Variants in ADAMTS19 observed in about 807,000 individuals in gnomAD.
The protein encoded by ADAMTS19 is A disintegrin and metalloproteinase with thrombospondin motifs 19.
Under a neutral mutation model 153.3 loss-of-function variants are expected in ADAMTS19, and 93 were observed. The ratio of observed to expected loss-of-function variants is 0.61; its 90% CI spans 0.51 to 0.72. ADAMTS19 has a LOEUF of 0.72. Ranked by LOEUF, ADAMTS19 falls within the 30% of genes least tolerant of loss-of-function variation. The pLI is 0.00. For missense variants in ADAMTS19, 1,482 were observed against 1,552.1 expected, an observed-to-expected ratio of 0.95 and a Z score of 0.76; for synonymous variants, 600 against 556.6, an observed-to-expected ratio of 1.08 and a Z score of -1.10.
intron 18 of ADAMTS19, among the ~76,000 whole-genome samples, chr5:129,692,283 G>T (rs749077942): frequency 4.0e-5 from 6 of 151,794 alleles, no homozygotes; most frequent in Non-Finnish European, 8.8e-5. Flanking sequence ...CCAAAAATCT[G>T]TCCCAAAATT....
chr5:129,538,075 T>C (rs1394036461), intron 6 of ADAMTS19, among the ~76,000 whole-genome samples: 1 of 152,092 alleles, frequency 6.6e-6, no homozygotes, highest in African/African-American at 2.4e-5. Context: ...CAAGTCTTTC[T>C]TCCTTCTTAA....
chr5:129,694,394 A>G (rs1183641471), intron 18 of ADAMTS19, among the ~76,000 whole-genome samples: 3 of 152,126 alleles, frequency 2.0e-5, no homozygotes, highest in African/African-American at 7.2e-5. Context: ...CAATAAATCA[A>G]TTGAGTGACT....
intron 13 of ADAMTS19, among the ~76,000 whole-genome samples, chr5:129,651,991 G>A (rs138875591): frequency 1.9e-3 from 286 of 151,956 alleles, no homozygotes; most frequent in Non-Finnish European, 3.4e-3. Flanking sequence ...ATTTACTTAC[G>A]TGTGAAATAA....
At chr5:129,607,186 G>A (rs1750942671) in intron 8 of ADAMTS19, among the ~76,000 whole-genome samples, 1 of 152,006 alleles carries the variant, frequency 6.6e-6, no homozygotes, top group African/African-American at 2.4e-5. Context: ...CAAAGTGTTG[G>A]GATTACAGGC....
chr5:129,708,372 T>G (rs957267361), intron 21 of ADAMTS19, among the ~76,000 whole-genome samples: 2 of 152,142 alleles, frequency 1.3e-5, no homozygotes, highest in Non-Finnish European at 2.9e-5. Flanking sequence ...TCTTCGGATC[T>G]TTCTTGGGAG....
At chr5:129,567,040 G>A (rs1266267497) in intron 7 of ADAMTS19, among the ~76,000 whole-genome samples, 1 of 152,102 alleles carries the variant, frequency 6.6e-6, no homozygotes, top group African/African-American at 2.4e-5. Flanking sequence ...GCTTAGGAAA[G>A]TGACCTCAAA....
intron 19 of ADAMTS19, 60 bp downstream of exon 19, chr5:129,694,915 A>C: frequency 7.2e-7 from 1 of 1,387,692 alleles, no homozygotes; most frequent in Non-Finnish European, 9.6e-7. Flanking sequence ...TGTCCTTTAA[A>C]ACATGCTCAG....
At chr5:129,721,931 C>T (rs540009743) in intron 21 of ADAMTS19, among the ~76,000 whole-genome samples, 11 of 152,278 alleles carry the variant, frequency 7.2e-5, no homozygotes, top group Middle Eastern at 3.4e-3. Flanking sequence ...ATGACATGAC[C>T]TCATCCCTTT....
At chr5:129,710,722 A>AT (rs781733280) in intron 21 of ADAMTS19, among the ~76,000 whole-genome samples, 3 of 152,156 alleles carry the variant, frequency 2.0e-5, no homozygotes, top group South Asian at 2.1e-4. Flanking sequence ...AGTTGGTAGC[A>AT]TTTTTTTAAT....
chr5:129,735,279 T>TA (rs141031120), intron 22 of ADAMTS19, among the ~76,000 whole-genome samples, 170 bp downstream of exon 22: 15,839 of 152,020 alleles, frequency 0.1, 960 homozygotes, highest in South Asian at 0.17. Context: ...GTCAGGTGGG[T>TA]AAAAAAGTCC....
In ADAMTS19 at chr5:129,516,927, T is replaced by C. The variant is rs576154558; in HGVS notation, c.913+7685T>C. ...TTTTCGATGTAGGCACTTATAAACT[T>C]CCCCCTGAGTACTGCTTTGGCTGAA... On this transcript the variant is annotated intron_variant, in intron 3 of 22. Coordinates refer to ENST00000274487, the MANE Select transcript of ADAMTS19 (RefSeq NM_133638.6). Among the ~76,000 whole-genome samples the C allele has an allele frequency of 3.7e-4, 56 of 149,928 alleles. No homozygotes were observed. In the East Asian group the frequency reaches 0.011, roughly 29 times the overall value.
At chr5:129,487,680 C>T (rs772331619) in intron 2 of ADAMTS19, among the ~76,000 whole-genome samples, 8 of 151,940 alleles carry the variant, frequency 5.3e-5, no homozygotes, top group Non-Finnish European at 1.2e-4. Flanking sequence ...ATAATGAACA[C>T]GTTGATCTGT....
intron 6 of ADAMTS19, among the ~76,000 whole-genome samples, chr5:129,536,665 A>G (rs1322761770): frequency 2.6e-5 from 4 of 152,222 alleles, no homozygotes; most frequent in African/African-American, 9.7e-5. Flanking sequence ...ACCAACCCAA[A>G]TGTCCAACAA....
chr5:129,638,357 G>A (rs1383428868), intron 10 of ADAMTS19, among the ~76,000 whole-genome samples: 1 of 152,030 alleles, frequency 6.6e-6, no homozygotes, highest in Non-Finnish European at 1.5e-5. Context: ...CTTTTCAAGT[G>A]TATTGGCATA....
At chr5:129,708,590 CAAAAA>C in intron 21 of ADAMTS19, among the ~76,000 whole-genome samples, 1 of 61,814 alleles carries the variant, frequency 1.6e-5, no homozygotes, top group Non-Finnish European at 2.9e-5. Flanking sequence ...AGCAGAGAAG[CAAAAA>C]AAAAAAAAAA....
chr5:129,709,343 T>C (rs1756329723), intron 21 of ADAMTS19, among the ~76,000 whole-genome samples: 2 of 152,236 alleles, frequency 1.3e-5, no homozygotes, highest in South Asian at 4.1e-4. Context: ...AAAAAATATA[T>C]TGACTACTTA....
At chr5:129,567,366 C>T (rs1753753329) in intron 7 of ADAMTS19, among the ~76,000 whole-genome samples, 1 of 151,970 alleles carries the variant, frequency 6.6e-6, no homozygotes, top group African/African-American at 2.4e-5. Flanking sequence ...GGAAAAGACA[C>T]CCAACAGATG....
Position 129,596,119 on chromosome 5 carries a change from A to G in ADAMTS19, c.1373-440A>G, listed in dbSNP as rs77990462. 4.3e-3 allele frequency among the ~76,000 whole-genome samples: 657 copies of G among 152,142 alleles called. 4 individuals are homozygous for G. Among genetic ancestry groups the G allele is most frequent in the East Asian group, 0.026 (133 of 5,182 alleles). ...CACAATTGTATTAATTCAAAATATA[A>G]ATGTAAGTTCAAGACTGCTTTATAT... On this transcript the variant is annotated intron_variant, in intron 7 of 22. Coordinates refer to ENST00000274487, the MANE Select transcript of ADAMTS19 (RefSeq NM_133638.6).
Position 129,461,998 on chromosome 5 carries a change from C to T in ADAMTS19, c.747+241C>T, listed in dbSNP as rs1749689337. ...CTTCTCCTTCCAGATGGTTATGTGT[C>T]TTTCAAAACTGCGTGAAACTCTGCC... On this transcript the variant is annotated intron_variant, in intron 2 of 22. Coordinates refer to ENST00000274487, the MANE Select transcript of ADAMTS19 (RefSeq NM_133638.6). This position sits in a 1 kb window ranked among gnomAD's most constrained non-coding sequence, Gnocchi z 4.6. 6.6e-6 allele frequency among the ~76,000 whole-genome samples: 1 copy of T among 152,192 alleles called. No individual in the cohort carries two copies. The highest frequency in any genetic ancestry group is 6.5e-5 in the Admixed American group (1 of 15,284).
Sources: allele counts gnomAD v4.1 joint callset (sites outside exome capture counted in the v4.1 genomes callset), GRCh38; gene constraint gnomAD v4.1.1; non-coding constraint Gnocchi (gnomAD v3.1); transcripts MANE v1.5; gene names NCBI Gene and HGNC (gene_info 2026-07-23, HGNC 2026-07-21).